Variants in ARF3 observed in about 807,000 individuals in gnomAD.
ARF3 encodes the protein ADP-ribosylation factor 3.
A neutral mutation model predicts 19.3 loss-of-function variants in ARF3; 5 were observed. The observed-to-expected ratio is 0.26, with a 90% CI of 0.14 to 0.54. The LOEUF (loss-of-function observed/expected upper bound fraction) is 0.54. Among genes scored for constraint, ARF3 ranks in the 20% least tolerant of loss-of-function variants. ARF3 has a pLI of 0.95. For missense variants in ARF3, 77 were observed against 234.2 expected (o/e 0.33, Z 4.38); for synonymous variants, 71 against 89.2 (o/e 0.80, Z 1.15).
At chr12:48,953,297 A>G (rs1307675088) in intron 1 of ARF3, 4 of 152,134 alleles carry the variant, frequency 2.6e-5, no homozygotes, top group Admixed American at 1.3e-4. Context: ...AGGAGAGATC[A>G]TGTGAGGGGC....
intron 1 of ARF3, among the ~76,000 whole-genome samples, chr12:48,947,108 A>G (rs150118265): frequency 1.3e-5 from 2 of 152,276 alleles, no homozygotes; most frequent in Non-Finnish European, 2.9e-5. Flanking sequence ...TAAAGAAACA[A>G]AAGCAGAGTA....
Position 48,938,686 on chromosome 12 carries a change from C to T in ARF3, c.*261G>A, listed in dbSNP as rs1053311656. On this transcript the variant is annotated 3_prime_UTR_variant, in exon 5 of 5. Coordinates refer to ENST00000256682, the MANE Select transcript of ARF3 (RefSeq NM_001659.3). The stretch of plus-strand genomic sequence containing the variant: ...CAGAGGGTGAGAGAGAGAGGGGCCA[C>T]CCCATGAAACCGTAACAACTTTTTG... 17 of 488,314 alleles carry T rather than the reference C, an allele frequency of 3.5e-5. No homozygotes were observed. The highest frequency in any genetic ancestry group is 5.7e-5 in the Non-Finnish European group (15 of 265,126). The allele number at this position is 488,314 out of a possible 1,614,324, so 30.2% of individuals were successfully genotyped here.
rs897019992 is a variant in ARF3 at position 48,939,269 on chromosome 12, T to G, written c.385-161A>C. ...AGGAGCTACTTTGGATTTAGTCACC[T>G]AGAACTCAAGATCCAAAGCACTAGA... On this transcript the variant is annotated intron_variant, in intron 4 of 4. Transcript: ENST00000256682. This position sits in a 1 kb window ranked among gnomAD's most constrained non-coding sequence, Gnocchi z 4.8. Among the ~76,000 whole-genome samples the G allele has an allele frequency of 1.3e-5, 2 of 152,150 alleles. No homozygotes were observed. Among genetic ancestry groups the G allele is most frequent in the African/African-American group, 4.8e-5 (2 of 41,432 alleles).
intron 1 of ARF3, chr12:48,953,182 AAGAAGACTG>A (rs1455458887): frequency 9.9e-5 from 15 of 152,178 alleles, no homozygotes; most frequent in African/African-American, 3.4e-4. Context: ...TGTGGGGTTG[AAGAAGACTG>A]TATTCTATAG....
At position 48,939,881 on chromosome 12, in the gene ARF3, TCCTC is replaced by T; in HGVS notation, c.260-106_260-103del. ...ACACCCTCCAAATATTTGCTCCCTT[TCCTC>T]CCTTTCTTCTGCCCCCAGGAGCTGC... is the stretch of plus-strand genomic sequence containing the variant. On this transcript the variant is annotated intron_variant, in intron 3 of 4. Coordinates refer to ENST00000256682, the MANE Select transcript of ARF3 (RefSeq NM_001659.3). This position sits in a 1 kb window ranked among gnomAD's most constrained non-coding sequence, Gnocchi z 4.8. 1.3e-6 allele frequency: 2 copies of T among 1,597,134 alleles called. No homozygotes were observed. The highest frequency in any genetic ancestry group is 1.8e-4 in the Middle Eastern group (1 of 5,702).
intron 1 of ARF3, among the ~76,000 whole-genome samples, chr12:48,953,623 G>A (rs1236004293): frequency 1.3e-5 from 2 of 152,108 alleles, no homozygotes; most frequent in Non-Finnish European, 2.9e-5. Flanking sequence ...CTTTCTTCAG[G>A]AATATGGTAA....
At chr12:48,942,309 G>C (rs1174276158) in intron 1 of ARF3, among the ~76,000 whole-genome samples, 1 of 150,578 alleles carries the variant, frequency 6.6e-6, no homozygotes, top group Admixed American at 6.6e-5. Context: ...CCAAACTCCT[G>C]GGTTCAAGCA....
At chr12:48,943,947 C>T (rs1486941853) in intron 1 of ARF3, among the ~76,000 whole-genome samples, 3 of 152,194 alleles carry the variant, frequency 2.0e-5, no homozygotes, top group Non-Finnish European at 4.4e-5. Context: ...TGGACAGACT[C>T]CTGAGGACCC....
intron 1 of ARF3, among the ~76,000 whole-genome samples, chr12:48,955,396 C>A (rs761309918): frequency 6.6e-5 from 10 of 152,198 alleles, no homozygotes; most frequent in Non-Finnish European, 1.5e-4. Flanking sequence ...GGAGAGACCC[C>A]TTTGCCCACA....
chr12:48,941,303 G>A (rs142678591), intron 1 of ARF3, 115 bp from the exon 2 acceptor site: 4 of 546,166 alleles, frequency 7.3e-6, no homozygotes, highest in South Asian at 5.0e-5. Context: ...GAGCCTGAGG[G>A]GACTATAAAT....
intron 1 of ARF3, among the ~76,000 whole-genome samples, chr12:48,954,448 C>T (rs1287138458): frequency 6.6e-6 from 1 of 152,202 alleles, no homozygotes; most frequent in African/African-American, 2.4e-5. Flanking sequence ...TAGCAGCTAA[C>T]AGTTATTTGG....
chr12:48,951,708 T>G (rs1565710611), intron 1 of ARF3, among the ~76,000 whole-genome samples: 1 of 151,896 alleles, frequency 6.6e-6, no homozygotes, highest in Non-Finnish European at 1.5e-5. Flanking sequence ...GGAGAAACCC[T>G]GTCTCTACTA....
rs1417445616 is a variant in ARF3 at position 48,939,812 on chromosome 12, G to T, written c.260-33C>A. 4.3e-6 allele frequency: 7 copies of T among 1,612,764 alleles called. No individual in the cohort carries two copies. The highest frequency in any genetic ancestry group is 1.3e-5 in the African/African-American group (1 of 74,864). On this transcript the variant is annotated intron_variant, in intron 3 of 4. Transcript: ENST00000256682. This position sits in a 1 kb window ranked among gnomAD's most constrained non-coding sequence, Gnocchi z 4.8. ...GGCAGAGCATGGGCTGCACTAAGATGACAGGTAACCCCCTCCCCCCAACCA... is the reference window on the plus strand; with the variant it reads ...GGCAGAGCATGGGCTGCACTAAGATTACAGGTAACCCCCTCCCCCCAACCA...
intron 1 of ARF3, among the ~76,000 whole-genome samples, chr12:48,954,531 A>C (rs1228638006): frequency 6.6e-6 from 1 of 152,250 alleles, no homozygotes; most frequent in Non-Finnish European, 1.5e-5. Flanking sequence ...CAACCAAAAA[A>C]ATAATAATTC....
rs975233256 is a variant in ARF3, at chr12:48,937,716, G to A, written c.*1231C>T. On this transcript the variant is annotated 3_prime_UTR_variant, in exon 5 of 5. Transcript: ENST00000256682. ...CTAGAAAACAAGAGTTGGAGAAGAG[G>A]GGGGTTGATACTAAGGTCAGCTATG... 1.2e-4 allele frequency: 19 copies of A among 152,420 alleles called. No homozygotes were observed. Among genetic ancestry groups the A allele is most frequent in the Admixed American group, 7.8e-4 (12 of 15,304 alleles). 9.4% of individuals were successfully genotyped at this position (152,420 alleles called of 1,614,324 possible).
At chr12:48,948,270 C>CTTTT (rs35020764) in intron 1 of ARF3, among the ~76,000 whole-genome samples, 3 of 145,366 alleles carry the variant, frequency 2.1e-5, no homozygotes, top group Non-Finnish European at 4.5e-5. Flanking sequence ...TTTATATAAT[C>CTTTT]TTTTTTTTTT....
intron 2 of ARF3, 133 bp downstream of exon 2, chr12:48,940,815 C>T (rs1726435): frequency 0.53 from 631,924 of 1,194,160 alleles, 170,022 homozygotes; most frequent in South Asian, 0.73. Flanking sequence ...TAAACAACAC[C>T]ACCCTCTTTT....
rs772934453 is a variant in ARF3, at chr12:48,936,005, C to T, written c.*2942G>A. ...CCAATTCATTTGGGCTCCCCCGCCG[C>T]GGGGTATGATGGGAAGAAATAACCA... is the stretch of plus-strand genomic sequence containing the variant. On this transcript the variant is annotated 3_prime_UTR_variant, in exon 5 of 5. Coordinates refer to ENST00000256682, the MANE Select transcript of ARF3 (RefSeq NM_001659.3). 2 of 152,206 alleles carry T rather than the reference C, an allele frequency of 1.3e-5. No homozygotes were observed. Among genetic ancestry groups the T allele is most frequent in the Non-Finnish European group, 1.5e-5 (1 of 68,040 alleles). The allele number at this position is 152,206 out of a possible 1,614,324, so 9.4% of individuals were successfully genotyped here.
At chr12:48,950,274 C>A (rs1037665903) in intron 1 of ARF3, among the ~76,000 whole-genome samples, 2 of 152,100 alleles carry the variant, frequency 1.3e-5, no homozygotes, top group African/African-American at 4.8e-5. Flanking sequence ...TGGCTCACTG[C>A]AGCCTCCACC....
Sources: allele counts gnomAD v4.1 joint callset (sites outside exome capture counted in the v4.1 genomes callset), GRCh38; gene constraint gnomAD v4.1.1; non-coding constraint Gnocchi (gnomAD v3.1); transcripts MANE v1.5; gene names NCBI Gene and HGNC (gene_info 2026-07-23, HGNC 2026-07-21).